Variants in MYH13 observed in about 807,000 individuals in gnomAD.
The protein encoded by MYH13 is myosin-13.
A neutral mutation model predicts 232.1 loss-of-function variants in MYH13; 177 were observed. The ratio of observed to expected loss-of-function variants is 0.76; its 90% CI spans 0.67 to 0.86. The LOEUF (loss-of-function observed/expected upper bound fraction) is 0.86, where lower values mean the gene tolerates loss of function less well. Among genes scored for constraint, MYH13 ranks in the 40% least tolerant of loss-of-function variants. The pLI is 0.00. For synonymous variants in MYH13, 884 were observed against 923.5 expected, an observed-to-expected ratio of 0.96 and a Z score of 0.78; for missense variants, 2,246 against 2,405.9, an observed-to-expected ratio of 0.93 and a Z score of 1.39.
chr17:10,357,596 G>A (rs2071758518), intron 8 of MYH13, 139 bp downstream of exon 8: 1 of 696,360 alleles, frequency 1.4e-6, no homozygotes, highest in East Asian at 2.7e-5. Context: ...AATATTCCAG[G>A]TGGGTAGATT....
In MYH13 at chr17:10,362,199, C is replaced by A. The variant is rs200552178; in HGVS notation, c.424G>T (p.Ala142Ser). 150 of 1,613,824 alleles carry A rather than the reference C, an allele frequency of 9.3e-5. No homozygotes were observed. Among genetic ancestry groups the A allele is most frequent in the Non-Finnish European group, 1.3e-4 (148 of 1,179,876 alleles). The change falls in exon 5 of 41, where the codon GCC becomes TCC. Residue 142 changes from alanine (A) to serine (S), a missense_variant. Ala to Ser is a moderately conservative substitution (Grantham distance 99). Transcript: ENST00000252172. ...LPVYKPEVVA[A>S]YRGKKRQEAP... ...TCCTGGCGCTTTTTGCCTCTGTAGG[C>A]AGCCACCACCTCGGGCTTGTACACC...
chr17:10,321,185 C>T (rs534005423), intron 24 of MYH13, among the ~76,000 whole-genome samples: 1 of 152,212 alleles, frequency 6.6e-6, no homozygotes, highest in South Asian at 2.1e-4. Context: ...GTTTTGGAAC[C>T]CAAAGGACCT....
At chr17:10,344,718 G>A (rs1391120093) in intron 15 of MYH13, among the ~76,000 whole-genome samples, 3 of 151,520 alleles carry the variant, frequency 2.0e-5, no homozygotes, top group Non-Finnish European at 4.4e-5. Flanking sequence ...CTATTCAGGA[G>A]GTGGAGGCAG....
chr17:10,349,275 A>G (rs2071691637), intron 12 of MYH13, among the ~76,000 whole-genome samples: 1 of 151,898 alleles, frequency 6.6e-6, no homozygotes, highest in Non-Finnish European at 1.5e-5. Context: ...GCTAATTTGT[A>G]TTTTTAGTAG....
At chr17:10,326,276 C>T (rs1469324080) in intron 22 of MYH13, among the ~76,000 whole-genome samples, 4 of 152,146 alleles carry the variant, frequency 2.6e-5, no homozygotes, top group African/African-American at 7.2e-5. Flanking sequence ...TTCTCTTGTC[C>T]GCTGTACCTG....
Position 10,355,112 on chromosome 17 carries a change from TC to T in MYH13, c.773del (p.Gly258GlufsTer13). 6.3e-7 allele frequency: 1 copy of T among 1,591,910 alleles called. No homozygotes were observed. Among genetic ancestry groups the T allele is most frequent in the Non-Finnish European group, 8.6e-7 (1 of 1,167,876 alleles). On this transcript the variant is annotated frameshift_variant, in exon 9 of 41. Coordinates refer to ENST00000252172, the MANE Select transcript of MYH13 (RefSeq NM_003802.3). LOFTEE classifies it high-confidence loss of function. ...KFIRIHFGATGKLASADIETY... is the reference protein window; with the variant it reads ...KFIRIHFGATXKLASADIETY... ...TTTCGATGTCTGCCGATGCCAGCTT[TC>T]CTGTGGCTCCAAAATGAATCCGAAT...
rs1330285880 is a variant in MYH13, at chr17:10,311,042, G to A, written c.4656+61C>T. On this transcript the variant is annotated intron_variant, in intron 33 of 40. Coordinates refer to ENST00000252172, the MANE Select transcript of MYH13 (RefSeq NM_003802.3). Reference sequence around the variant, plus strand: ...GGAAAGGCCCCATGGGGTGGTGAAGGGCAGCCTCTTTCAGTTCCCTGTCCT... The same window carrying A: ...GGAAAGGCCCCATGGGGTGGTGAAGAGCAGCCTCTTTCAGTTCCCTGTCCT... 1.9e-6 allele frequency: 3 copies of A among 1,600,964 alleles called. No homozygotes were observed. In the African/African-American group the frequency reaches 4.0e-5, roughly 21 times the overall value.
chr17:10,301,493 G>A, intron 40 of MYH13, 76 bp downstream of exon 40: 1 of 1,585,630 alleles, frequency 6.3e-7, no homozygotes. Context: ...CCACACTCAG[G>A]CATTCGCTCT....
In MYH13 at chr17:10,313,248, G is replaced by A. The variant is rs1480451850; in HGVS notation, c.4091C>T (p.Ala1364Val). 2 of 1,614,090 alleles carry A rather than the reference G, an allele frequency of 1.2e-6. No homozygotes were observed. Among genetic ancestry groups the A allele is most frequent in the East Asian group, 2.2e-5 (1 of 44,884 alleles). ...AACCTCACTGTTGGCCTTGGACAGC[G>A]CCCTCTGCAGCTCGGCCTTGGCTTC... is the stretch of plus-strand genomic sequence containing the variant. ...EQEAKAELQRALSKANSEVAQ... is the reference protein window; with the variant it reads ...EQEAKAELQRVLSKANSEVAQ... Residue 1364 changes from alanine to valine, a missense_variant, in exon 30 of 41, where the codon GCG becomes GTG. Physicochemically the swap from Ala to Val is moderately conservative, Grantham distance 64. Transcript: ENST00000252172.
intron 23 of MYH13, among the ~76,000 whole-genome samples, chr17:10,323,106 G>A (rs997808147): frequency 4.6e-5 from 7 of 152,152 alleles, no homozygotes; most frequent in South Asian, 4.2e-4. Context: ...GCTGTCTCCC[G>A]CAAGCAATGC....
chr17:10,318,832 A>C lies in MYH13; in HGVS notation c.3696T>G (p.Ile1232Met). The change falls in exon 27 of 41, where the codon ATT becomes ATG. Residue 1232 changes from isoleucine (I) to methionine (M), a missense_variant. Coordinates refer to ENST00000252172, the MANE Select transcript of MYH13 (RefSeq NM_003802.3). ...CCTCGATGTTGCTGGCCATGTCGTC[A>C]ATCTCCATCTTCAGCTCGCTCTTCT... ...EKEKSELKMEIDDMASNIEAL... is the reference protein window; with the variant it reads ...EKEKSELKMEMDDMASNIEAL... 6.2e-7 allele frequency: 1 copy of C among 1,613,828 alleles called. No individual in the cohort carries two copies. Among genetic ancestry groups the C allele is most frequent in the Non-Finnish European group, 8.5e-7 (1 of 1,179,974 alleles).
chr17:10,332,762 G>A (rs976165678), intron 19 of MYH13, among the ~76,000 whole-genome samples: 7 of 152,174 alleles, frequency 4.6e-5, no homozygotes, highest in African/African-American at 1.7e-4. Flanking sequence ...CAGGGTTACT[G>A]CTAAAATCCT....
At position 10,306,777 on chromosome 17, in the gene MYH13, C is replaced by A; in HGVS notation, c.5296-148G>T. On this transcript the variant is annotated intron_variant, in intron 36 of 40. Coordinates refer to ENST00000252172, the MANE Select transcript of MYH13 (RefSeq NM_003802.3). The surrounding 1 kb of genome is among the most constrained non-coding windows in gnomAD (Gnocchi z 4.3). Reference sequence around the variant, plus strand: ...GCTGATTCCCCACAGCCTCCCCTCCCACTTTGCCACTGCTGAGACTGTACC... The same window carrying A: ...GCTGATTCCCCACAGCCTCCCCTCCAACTTTGCCACTGCTGAGACTGTACC... 6.6e-7 allele frequency: 1 copy of A among 1,516,670 alleles called. No individual in the cohort carries two copies. 94.0% of individuals were successfully genotyped at this position (1,516,670 alleles called of 1,614,324 possible).
chr17:10,319,132 G>T lies in MYH13; in HGVS notation c.3396C>A (p.Leu1132=). ...LEEEIEAEHT[L]RAKIEKQRSD... ...AGCGCTGCTTCTCAATCTTGGCTCT[G>T]AGCGTGTGTTCCGCTTCAATTTCCT... The change falls in exon 27 of 41, where the codon CTC becomes CTA. Residue 1132 remains leucine (L), a synonymous_variant. Coordinates refer to ENST00000252172, the MANE Select transcript of MYH13 (RefSeq NM_003802.3). 1 of 1,614,104 alleles carries T rather than the reference G, an allele frequency of 6.2e-7. No homozygotes were observed. Among genetic ancestry groups the T allele is most frequent in the East Asian group, 2.2e-5 (1 of 44,870 alleles).
At chr17:10,331,987 G>C in intron 20 of MYH13, 112 bp downstream of exon 20, 1 of 1,389,998 alleles carries the variant, frequency 7.2e-7, no homozygotes, top group Non-Finnish European at 9.9e-7. Context: ...GGGCGACTGG[G>C]CAAGGACGGT....
intron 37 of MYH13, among the ~76,000 whole-genome samples, chr17:10,306,000 C>T (rs765650024): frequency 2.0e-5 from 3 of 152,050 alleles, no homozygotes; most frequent in Non-Finnish European, 4.4e-5. Flanking sequence ...TGGGAGAAAA[C>T]GGAAACTGCA....
At chr17:10,332,987 A>G in intron 19 of MYH13, 87 bp downstream of exon 19, 1 of 1,098,886 alleles carries the variant, frequency 9.1e-7, no homozygotes. Context: ...TTGGGAGCTC[A>G]CCAAATACCC....
In MYH13 at chr17:10,318,916, C is replaced by G; in HGVS notation, c.3612G>C (p.Val1204=). 2 of 1,614,200 alleles carry G rather than the reference C, an allele frequency of 1.2e-6. No individual in the cohort carries two copies. The highest frequency in any genetic ancestry group is 1.7e-6 in the Non-Finnish European group (2 of 1,180,040). Residue 1204 remains valine, a synonymous_variant, in exon 27 of 41, where the codon GTG becomes GTC. Transcript: ENST00000252172. ...ATLRKKQADS[V]AELGEQIDNL... is the part of the protein sequence containing the mutation. ...TGTCAATCTGCTCCCCAAGCTCGGCCACACTATCTGCTTGCTTCTTCCTCA... is the reference window on the plus strand; with the variant it reads ...TGTCAATCTGCTCCCCAAGCTCGGCGACACTATCTGCTTGCTTCTTCCTCA...
rs1209876209 is a variant in MYH13 at position 10,345,538 on chromosome 17, G to A, written c.1342C>T (p.Gln448Ter). 1.2e-6 allele frequency: 2 copies of A among 1,614,108 alleles called. No individual in the cohort carries two copies. Among genetic ancestry groups the A allele is most frequent in the African/African-American group, 2.7e-5 (2 of 74,944 alleles). ...FLWMVTRINQ[Q>*]LDTKQPRQYF... ...TGCCTGGGCTGCTTGGTGTCCAGCT[G>A]CTGGTTGATGCGGGTGACCATCCAC... Residue 448 changes from glutamine (Q) to a stop codon, truncating the protein, a stop_gained, in exon 14 of 41, where the codon CAG (glutamine) becomes TAG (stop). Coordinates refer to ENST00000252172, the MANE Select transcript of MYH13 (RefSeq NM_003802.3). LOFTEE classifies it high-confidence loss of function.
Sources: allele counts gnomAD v4.1 joint callset (sites outside exome capture counted in the v4.1 genomes callset), GRCh38; gene constraint gnomAD v4.1.1; non-coding constraint Gnocchi (gnomAD v3.1); transcripts MANE v1.5; gene names NCBI Gene and HGNC (gene_info 2026-07-23, HGNC 2026-07-21).